PDE7B: variants seen among roughly 807,000 people sequenced by gnomAD.
PDE7B encodes 3',5'-cyclic-AMP phosphodiesterase 7B.
PDE7B carries 29 observed loss-of-function variants against 56.2 expected under a neutral mutation model. The ratio of observed to expected loss-of-function variants is 0.52; its 90% CI spans 0.38 to 0.70. PDE7B has a LOEUF of 0.70. Among genes scored for constraint, PDE7B ranks in the 30% least tolerant of loss-of-function variants. PDE7B has a pLI of 0.00. For synonymous variants in PDE7B, 197 were observed against 196.9 expected (o/e 1.00, Z 0.00); for missense variants, 490 against 565.0 (o/e 0.87, Z 1.35).
intron 1 of PDE7B, among the ~76,000 whole-genome samples, chr6:135,869,679 A>G (rs1028330949): frequency 6.6e-6 from 1 of 152,192 alleles, no homozygotes; most frequent in African/African-American, 2.4e-5. Context: ...AAGTAATGAG[A>G]CAACAGGTTG....
intron 2 of PDE7B, among the ~76,000 whole-genome samples, chr6:135,972,164 G>C (rs1350545259): frequency 6.9e-6 from 1 of 144,222 alleles, no homozygotes; most frequent in Non-Finnish European, 1.5e-5. Context: ...AACCTGGGAG[G>C]CAGAGGTTGC....
intron 2 of PDE7B, among the ~76,000 whole-genome samples, chr6:136,082,335 A>C (rs1038401561): frequency 2.0e-5 from 3 of 152,140 alleles, no homozygotes; most frequent in African/African-American, 7.2e-5. Flanking sequence ...GAGGAGGTCA[A>C]ACAGTCCCTG....
chr6:135,992,536 A>T (rs1310233178), intron 2 of PDE7B, among the ~76,000 whole-genome samples: 1 of 152,188 alleles, frequency 6.6e-6, no homozygotes, highest in Non-Finnish European at 1.5e-5. Flanking sequence ...TGGGCAGTAA[A>T]CACTTAATAA....
intron 2 of PDE7B, among the ~76,000 whole-genome samples, chr6:135,997,563 G>T (rs1775589218): frequency 6.7e-6 from 1 of 149,158 alleles, no homozygotes; most frequent in Non-Finnish European, 1.5e-5. Context: ...ATTGGAAAAA[G>T]CTCTTTATAC....
At chr6:135,863,434 T>A (rs1246353173) in intron 1 of PDE7B, among the ~76,000 whole-genome samples, 1 of 152,064 alleles carries the variant, frequency 6.6e-6, no homozygotes, top group East Asian at 1.9e-4. Flanking sequence ...TACTTAGTTC[T>A]TGGGGAGCCA....
At chr6:135,974,838 G>C (rs915158649) in intron 2 of PDE7B, among the ~76,000 whole-genome samples, 6 of 152,178 alleles carry the variant, frequency 3.9e-5, no homozygotes, top group African/African-American at 1.4e-4. Context: ...CTTCAATTCT[G>C]TCAGCATGTC....
At chr6:135,892,746 G>C (rs897368475) in intron 1 of PDE7B, among the ~76,000 whole-genome samples, 1 of 152,152 alleles carries the variant, frequency 6.6e-6, no homozygotes, top group East Asian at 1.9e-4. Context: ...TAGAAGAGAC[G>C]ATTTGAAATG....
chr6:136,137,119 G>A (rs932338903), intron 3 of PDE7B, among the ~76,000 whole-genome samples: 3 of 152,044 alleles, frequency 2.0e-5, no homozygotes, highest in Admixed American at 6.6e-5. Flanking sequence ...GTTGGGTGTA[G>A]TGGTACATAT....
intron 8 of PDE7B, among the ~76,000 whole-genome samples, chr6:136,163,949 C>T (rs1379495718): frequency 1.3e-5 from 2 of 152,184 alleles, no homozygotes; most frequent in African/African-American, 4.8e-5. Context: ...TCCAAACTTT[C>T]CCACATTTCC....
At chr6:135,864,261 T>C (rs987987888) in intron 1 of PDE7B, among the ~76,000 whole-genome samples, 22 of 152,140 alleles carry the variant, frequency 1.4e-4, no homozygotes, top group African/African-American at 5.3e-4. Flanking sequence ...TATGCTATTG[T>C]TAGGTATTTA....
chr6:135,958,967 T>C (rs1459945509), intron 2 of PDE7B, among the ~76,000 whole-genome samples: 3 of 152,204 alleles, frequency 2.0e-5, no homozygotes, highest in African/African-American at 7.2e-5. Context: ...TGTAGAATTT[T>C]TTTGCCTACT....
chr6:135,966,780 A>C (rs1161007659), intron 2 of PDE7B, among the ~76,000 whole-genome samples: 1 of 152,212 alleles, frequency 6.6e-6, no homozygotes, highest in Non-Finnish European at 1.5e-5. Flanking sequence ...GTGAATTTTT[A>C]AAGAAAGGCA....
chr6:136,005,363 T>C (rs940533819), intron 2 of PDE7B, among the ~76,000 whole-genome samples: 1 of 151,968 alleles, frequency 6.6e-6, no homozygotes, highest in Non-Finnish European at 1.5e-5. Context: ...TGGGATCTCA[T>C]TAAACTAAAG....
intron 3 of PDE7B, among the ~76,000 whole-genome samples, chr6:136,130,672 C>G (rs1182572307): frequency 6.6e-6 from 1 of 152,132 alleles, no homozygotes; most frequent in Non-Finnish European, 1.5e-5. Flanking sequence ...TAGTTGAGGA[C>G]AGAAACACTC....
intron 1 of PDE7B, among the ~76,000 whole-genome samples, chr6:135,918,534 T>C (rs1195282712): frequency 6.6e-6 from 1 of 152,190 alleles, no homozygotes; most frequent in Non-Finnish European, 1.5e-5. Context: ...GTACCACTAC[T>C]AGAATATGTG....
At chr6:135,856,620 T>C (rs1380201649) in intron 1 of PDE7B, among the ~76,000 whole-genome samples, 6 of 152,102 alleles carry the variant, frequency 3.9e-5, no homozygotes, top group African/African-American at 1.4e-4. Flanking sequence ...AATCGAGACA[T>C]TTCTGGGATT....
chr6:135,858,729 A>G (rs1036067871), intron 1 of PDE7B, among the ~76,000 whole-genome samples: 1 of 151,602 alleles, frequency 6.6e-6, no homozygotes, highest in Non-Finnish European at 1.5e-5. Flanking sequence ...TTACACGCCC[A>G]ATTATTTGAG....
intron 2 of PDE7B, among the ~76,000 whole-genome samples, chr6:136,008,532 A>G (rs1338643329): frequency 2.4e-4 from 36 of 152,078 alleles, no homozygotes; most frequent in Non-Finnish European, 4.3e-4. Context: ...CATTCTAACT[A>G]GTGTGAGATG....
intron 1 of PDE7B, among the ~76,000 whole-genome samples, chr6:135,917,942 C>T (rs1457190811): frequency 6.6e-6 from 1 of 152,190 alleles, no homozygotes; most frequent in East Asian, 1.9e-4. Context: ...TGACTCCCAG[C>T]TCTTTGTGGC....
Sources: gnomAD v4.1 joint callset for allele counts (sites outside exome capture counted in the v4.1 genomes callset) on GRCh38, gnomAD v4.1.1 for gene constraint, MANE v1.5 for transcripts, NCBI Gene and HGNC (gene_info 2026-07-23, HGNC 2026-07-21) for gene names.